Variants in TMEM245 observed in about 807,000 individuals in gnomAD.
TMEM245 encodes the protein protein CG-2.
A neutral mutation model predicts 101.2 loss-of-function variants in TMEM245; 69 were observed. That is an observed-to-expected ratio of 0.68 (90% CI 0.56 to 0.83). The LOEUF is 0.83. TMEM245 is among the 40% of genes least tolerant of loss of function. The probability of loss-of-function intolerance (pLI) is 0.00; values close to 1 mark genes in which losing one functional copy is unlikely to be tolerated. For missense variants in TMEM245, 1,075 were observed against 1,092.8 expected, an observed-to-expected ratio of 0.98 and a Z score of 0.23; for synonymous variants, 537 against 449.8, an observed-to-expected ratio of 1.19 and a Z score of -2.45.
chr9:109,030,693 T>C (rs1274789688), intron 17 of TMEM245, among the ~76,000 whole-genome samples: 11 of 152,294 alleles, frequency 7.2e-5, no homozygotes, highest in South Asian at 2.1e-4. Flanking sequence ...CACCACCAAA[T>C]TGGGAAGGCC....
At chr9:109,041,603 G>A (rs1011185321) in intron 14 of TMEM245, among the ~76,000 whole-genome samples, 8 of 150,940 alleles carry the variant, frequency 5.3e-5, no homozygotes, top group Non-Finnish European at 7.4e-5. Flanking sequence ...GCTGAGAGAT[G>A]GTCAAAGGGT....
chr9:109,096,489 G>C (rs947914161), intron 3 of TMEM245, among the ~76,000 whole-genome samples: 3 of 152,162 alleles, frequency 2.0e-5, no homozygotes, highest in Non-Finnish European at 4.4e-5. Flanking sequence ...CACTCTGCCT[G>C]GGTGACAGAG....
At chr9:109,074,018 G>A (rs1026587868) in intron 8 of TMEM245, among the ~76,000 whole-genome samples, 2 of 151,872 alleles carry the variant, frequency 1.3e-5, no homozygotes, top group Non-Finnish European at 2.9e-5. Context: ...TCACAACCAC[G>A]CCTGTCTAAT....
intron 12 of TMEM245, among the ~76,000 whole-genome samples, chr9:109,052,309 T>C (rs1307168736): frequency 1.3e-5 from 2 of 152,376 alleles, no homozygotes; most frequent in East Asian, 1.9e-4. Flanking sequence ...ATTTTATACA[T>C]ACATAATTTG....
At chr9:109,027,951 G>A (rs912543398) in intron 17 of TMEM245, among the ~76,000 whole-genome samples, 1 of 151,438 alleles carries the variant, frequency 6.6e-6, no homozygotes, top group South Asian at 2.1e-4. Flanking sequence ...CAAAGTGCTG[G>A]GATTACAGGC....
intron 17 of TMEM245, among the ~76,000 whole-genome samples, chr9:109,026,182 T>G (rs1258534594): frequency 6.6e-6 from 1 of 152,168 alleles, no homozygotes; most frequent in African/African-American, 2.4e-5. Flanking sequence ...TTGACAGAGG[T>G]TGACATCAGT....
chr9:109,078,960 C>A (rs1383877456), intron 8 of TMEM245, among the ~76,000 whole-genome samples: 2 of 152,188 alleles, frequency 1.3e-5, no homozygotes, highest in Admixed American at 6.5e-5. Flanking sequence ...ACCAAAAGCA[C>A]AGGCAACAAA....
At chr9:109,064,021 C>G (rs1369540485) in intron 10 of TMEM245, among the ~76,000 whole-genome samples, 11 of 152,176 alleles carry the variant, frequency 7.2e-5, no homozygotes, top group African/African-American at 2.7e-4. Context: ...CTCAGCCTTG[C>G]TGAGTCTTGT....
chr9:109,023,733 G>A (rs1032117926), intron 17 of TMEM245, among the ~76,000 whole-genome samples: 3 of 152,006 alleles, frequency 2.0e-5, no homozygotes, highest in Non-Finnish European at 4.4e-5. Context: ...CTACTCGGGA[G>A]GCTGAGGCAG....
chr9:109,094,033 G>C (rs1296883469), intron 3 of TMEM245, among the ~76,000 whole-genome samples: 2 of 152,212 alleles, frequency 1.3e-5, no homozygotes, highest in African/African-American at 4.8e-5. Flanking sequence ...TTCCACAAAT[G>C]AGTATGCGAA....
chr9:109,050,234 G>A, intron 14 of TMEM245, 49 bp downstream of exon 14: 1 of 1,604,226 alleles, frequency 6.2e-7, no homozygotes, highest in South Asian at 1.1e-5. Context: ...GGCTTATCAT[G>A]GAAAAAAAGT....
At chr9:109,113,863 G>A (rs1830636807) in intron 1 of TMEM245, among the ~76,000 whole-genome samples, 1 of 152,170 alleles carries the variant, frequency 6.6e-6, no homozygotes, top group South Asian at 2.1e-4. Flanking sequence ...GCCAAGGCAG[G>A]GGAATCACCT....
intron 17 of TMEM245, among the ~76,000 whole-genome samples, chr9:109,023,481 T>C (rs534510625): frequency 6.6e-6 from 1 of 152,318 alleles, no homozygotes; most frequent in South Asian, 2.1e-4. Flanking sequence ...CAGTATTCTT[T>C]CTCAAATTAT....
In TMEM245 at chr9:109,032,364, CCTTTTTTTTTTTTTTTTT is replaced by C. The variant is rs1564170123; in HGVS notation, c.2594+925_2594+942del. Among the ~76,000 whole-genome samples, 17 of 51,816 alleles carry C rather than the reference CCTTTTTTTTTTTTTTTTT, an allele frequency of 3.3e-4. No homozygotes were observed. In the South Asian group the frequency reaches 9.5e-3, roughly 29 times the overall value. The allele number at this position is 51,816 out of a possible 152,430, so 34.0% of individuals were successfully genotyped here. On this transcript the variant is annotated intron_variant, in intron 17 of 17. Coordinates refer to ENST00000374586, the MANE Select transcript of TMEM245 (RefSeq NM_032012.4). ...TGCATTTGGTTGTCCTATTTCTTTT[CCTTTTTTTTTTTTTTTTT>C]TTTTTTTTTTTTTTTTTTTGAGACA...
chr9:109,105,221 A>AG (rs1420214670), intron 3 of TMEM245, among the ~76,000 whole-genome samples: 3 of 152,250 alleles, frequency 2.0e-5, no homozygotes, highest in Admixed American at 2.0e-4. Context: ...TCCAAAGAAG[A>AG]GAAACAAATG....
chr9:109,033,420 A>G lies in TMEM245; in HGVS notation c.2481T>C (p.Pro827=), dbSNP rs375313014. The change falls in exon 17 of 18, where the codon CCT becomes CCC. Residue 827 remains proline, a synonymous_variant. Transcript: ENST00000374586. The part of the protein sequence containing the change: ...YLGLEGAIIG[P]ILLCILVVAS... ...CAACCACAAGTATGCAGAGAAGAAT[A>G]GGACCGATGATTGCTCCTTCCAGGC... The G allele has an allele frequency of 6.2e-7, 1 of 1,614,194 alleles. No individual in the cohort carries two copies. Among genetic ancestry groups the G allele is most frequent in the African/African-American group, 1.3e-5 (1 of 75,058 alleles).
intron 1 of TMEM245, among the ~76,000 whole-genome samples, chr9:109,109,585 C>T (rs16913836): frequency 0.057 from 8,709 of 152,128 alleles, 861 homozygotes; most frequent in African/African-American, 0.2. Context: ...AAATAATCTT[C>T]GCATCTTAAA....
intron 1 of TMEM245, among the ~76,000 whole-genome samples, chr9:109,112,303 G>A (rs1208191036): frequency 6.6e-6 from 1 of 152,118 alleles, no homozygotes; most frequent in Non-Finnish European, 1.5e-5. Flanking sequence ...CACTTTGGGA[G>A]GCTGAGGCGG....
chr9:109,041,977 A>G (rs1273057214), intron 14 of TMEM245, among the ~76,000 whole-genome samples: 3 of 152,110 alleles, frequency 2.0e-5, no homozygotes, highest in Non-Finnish European at 4.4e-5. Flanking sequence ...TATAACCACA[A>G]AAAATTAGCC....
Sources: allele counts gnomAD v4.1 joint callset (sites outside exome capture counted in the v4.1 genomes callset), GRCh38; gene constraint gnomAD v4.1.1; transcripts MANE v1.5; gene names NCBI Gene and HGNC (gene_info 2026-07-23, HGNC 2026-07-21).